TMOD1: variants seen among roughly 807,000 people sequenced by gnomAD.
TMOD1 encodes the protein tropomodulin-1.
A neutral mutation model predicts 40.6 loss-of-function variants in TMOD1; 17 were observed. That is an observed-to-expected ratio of 0.42 (90% CI 0.29 to 0.63). The LOEUF is 0.63. TMOD1 is among the 20% of genes least tolerant of loss of function. TMOD1 has a pLI of 0.22. For missense variants in TMOD1, 391 were observed against 447.6 expected (o/e 0.87, Z 1.14); for synonymous variants, 181 against 175.0 (o/e 1.03, Z -0.27).
intron 8 of TMOD1, among the ~76,000 whole-genome samples, chr9:97,588,286 C>T (rs951647109): frequency 6.6e-6 from 1 of 152,152 alleles, no homozygotes; most frequent in Non-Finnish European, 1.5e-5. Flanking sequence ...CTATTATAGT[C>T]ATCTTGGTAT....
chr9:97,574,562 G>A (rs542472273), intron 8 of TMOD1, among the ~76,000 whole-genome samples: 1 of 152,374 alleles, frequency 6.6e-6, no homozygotes, highest in East Asian at 1.9e-4. Context: ...GAGTGCGGGC[G>A]CAGGGCGCGG....
intron 2 of TMOD1, among the ~76,000 whole-genome samples, chr9:97,532,420 C>T (rs1028741464): frequency 6.6e-5 from 10 of 152,182 alleles, no homozygotes; most frequent in Non-Finnish European, 8.8e-5. Flanking sequence ...CTCGGGAAGC[C>T]TTTTAGACTC....
chr9:97,578,299 C>T (rs187618612), intron 8 of TMOD1, among the ~76,000 whole-genome samples: 141 of 152,266 alleles, frequency 9.3e-4, no homozygotes, highest in Middle Eastern at 3.4e-3. Context: ...GTGATCCGCC[C>T]GCCTCGGCCT....
intron 4 of TMOD1, among the ~76,000 whole-genome samples, chr9:97,554,745 G>A (rs1330126675): frequency 6.6e-6 from 1 of 152,088 alleles, no homozygotes; most frequent in Non-Finnish European, 1.5e-5. Context: ...GGAGGTGGGA[G>A]GGCACCAGCA....
chr9:97,584,441 T>C (rs1228870143), intron 8 of TMOD1, among the ~76,000 whole-genome samples: 4 of 151,342 alleles, frequency 2.6e-5, no homozygotes, highest in Admixed American at 2.0e-4. Flanking sequence ...AATTTTGGAA[T>C]AGGTGTGGTG....
rs1830688927 is a variant in TMOD1 at position 97,564,127 on chromosome 9, A to G, written c.577A>G (p.Asn193Asp). Residue 193 changes from asparagine to aspartate, a missense_variant, in exon 6 of 10, where the codon AAC (asparagine) becomes GAC (aspartate). By Grantham distance (23) the Asn-to-Asp change is conservative. Coordinates refer to ENST00000259365, the MANE Select transcript of TMOD1 (RefSeq NM_003275.4). ...VEETLERIKN[N>D]DPKLEEVNLN... Reference sequence around the variant, plus strand: ...GGAAACGCTGGAACGGATAAAGAACAACGACCCAAAACTTGAAGAAGTTAA... The same window carrying G: ...GGAAACGCTGGAACGGATAAAGAACGACGACCCAAAACTTGAAGAAGTTAA... The G allele has an allele frequency of 8.7e-6, 14 of 1,613,144 alleles. No individual in the cohort carries two copies. The highest frequency in any genetic ancestry group is 1.2e-5 in the Non-Finnish European group (14 of 1,179,486).
chr9:97,540,854 G>T (rs1265377573), intron 2 of TMOD1, among the ~76,000 whole-genome samples: 1 of 152,136 alleles, frequency 6.6e-6, no homozygotes, highest in Non-Finnish European at 1.5e-5. Context: ...AAGCATTTGG[G>T]TGGACATACA....
chr9:97,543,416 A>G (rs10817736), intron 2 of TMOD1, among the ~76,000 whole-genome samples: 30,741 of 152,262 alleles, frequency 0.2, 3,576 homozygotes, highest in Middle Eastern at 0.29. Context: ...TTATATAACA[A>G]TAGAAGGGAT....
Position 97,566,424 on chromosome 9 carries a change from AC to A in TMOD1, c.726+470del, listed in dbSNP as rs538386218. On this transcript the variant is annotated intron_variant, in intron 7 of 9. Transcript: ENST00000259365. Reference sequence around the variant, plus strand: ...AGTGGCTCACACCTGCAATTCCAGCACTTTGGGAGGTCAAGACGGGTGGATC... The same window carrying A: ...AGTGGCTCACACCTGCAATTCCAGCATTTGGGAGGTCAAGACGGGTGGATC... 2.0e-5 allele frequency among the ~76,000 whole-genome samples: 3 copies of A among 152,282 alleles called. No individual in the cohort carries two copies. The South Asian group carries it at 6.2e-4, about 32-fold the overall frequency.
chr9:97,566,473 C>T (rs556132313), intron 7 of TMOD1, among the ~76,000 whole-genome samples: 2 of 152,072 alleles, frequency 1.3e-5, no homozygotes, highest in African/African-American at 2.4e-5. Flanking sequence ...AAGTTCGAGA[C>T]CAGCCTGGCC....
Position 97,569,690 on chromosome 9 carries a change from G to A in TMOD1, c.870+653G>A, listed in dbSNP as rs151295316. ...GTGTTGAGAGTGTACTGTGGACCAG[G>A]CTCTGAGATACACATCTTACATCCA... On this transcript the variant is annotated intron_variant, in intron 8 of 9. Coordinates refer to ENST00000259365, the MANE Select transcript of TMOD1 (RefSeq NM_003275.4). Among the ~76,000 whole-genome samples, 5 of 152,154 alleles carry A rather than the reference G, an allele frequency of 3.3e-5. No individual in the cohort carries two copies. In the East Asian group the frequency reaches 9.6e-4, roughly 29 times the overall value.
chr9:97,519,317 T>C (rs1443091951), intron 1 of TMOD1, among the ~76,000 whole-genome samples: 1 of 152,238 alleles, frequency 6.6e-6, no homozygotes, highest in Admixed American at 6.5e-5. Context: ...GCTTGTAAAT[T>C]CTATTTTTTC....
At chr9:97,544,835 C>CT (rs2131245330) in intron 2 of TMOD1, among the ~76,000 whole-genome samples, 1 of 152,144 alleles carries the variant, frequency 6.6e-6, no homozygotes, top group East Asian at 1.9e-4. Context: ...TGGTGAAACA[C>CT]TGTCTCTATT....
intron 2 of TMOD1, among the ~76,000 whole-genome samples, chr9:97,544,111 C>A (rs1304164426): frequency 6.6e-6 from 1 of 152,222 alleles, no homozygotes; most frequent in African/African-American, 2.4e-5. Context: ...TGTCCGGGCT[C>A]TGTGCTGGGT....
intron 1 of TMOD1, among the ~76,000 whole-genome samples, chr9:97,514,729 C>T (rs1033559032): frequency 2.0e-5 from 3 of 152,222 alleles, no homozygotes; most frequent in Non-Finnish European, 2.9e-5. Flanking sequence ...GTTGTAATAC[C>T]GTTGGGAATT....
chr9:97,508,057 TCACACACACACACA>T lies in TMOD1; in HGVS notation c.-49+6289_-49+6302del, dbSNP rs56669574. On this transcript the variant is annotated intron_variant, in intron 1 of 9. Coordinates refer to ENST00000259365, the MANE Select transcript of TMOD1 (RefSeq NM_003275.4). ...ATGAAACACAATCTATCTTCCTGAT[TCACACACACACACA>T]CACACACACACACACACACACACAC... 1.0e-3 allele frequency among the ~76,000 whole-genome samples: 134 copies of T among 132,076 alleles called. 2 individuals are homozygous for T. Among genetic ancestry groups the T allele is most frequent in the East Asian group, 3.2e-3 (14 of 4,418 alleles). The allele number at this position is 132,076 out of a possible 152,430, so 86.6% of individuals were successfully genotyped here. A position where few individuals can be genotyped will look rare whatever the true frequency, so the allele number is the denominator to read the frequency against.
intron 1 of TMOD1, among the ~76,000 whole-genome samples, chr9:97,518,365 C>T (rs932875405): frequency 4.6e-5 from 7 of 152,254 alleles, no homozygotes; most frequent in African/African-American, 1.4e-4. Context: ...GTCCTCAGAG[C>T]GAGCCAGCCC....
Position 97,542,849 on chromosome 9 carries a change from C to CA in TMOD1, c.121-3318dup, listed in dbSNP as rs35096378. Reference sequence around the variant, plus strand: ...TGGGCAACAAAGTGAGACTCCATCTCAAAAAAAAAAAAAAAAAAGGAAGAA... The same window carrying CA: ...TGGGCAACAAAGTGAGACTCCATCTCAAAAAAAAAAAAAAAAAAAGGAAGAA... On this transcript the variant is annotated intron_variant, in intron 2 of 9. Transcript: ENST00000259365. Among the ~76,000 whole-genome samples, 422 of 99,820 alleles carry CA rather than the reference C, an allele frequency of 4.2e-3. 3 individuals are homozygous for CA. Among genetic ancestry groups the CA allele is most frequent in the African/African-American group, 0.011 (293 of 27,216 alleles). 65.5% of individuals were successfully genotyped at this position (99,820 alleles called of 152,430 possible). A position where few individuals can be genotyped will look rare whatever the true frequency, so the allele number is the denominator to read the frequency against.
At chr9:97,586,773 T>G (rs1393588194) in intron 8 of TMOD1, among the ~76,000 whole-genome samples, 2 of 151,714 alleles carry the variant, frequency 1.3e-5, no homozygotes, top group South Asian at 2.1e-4. Flanking sequence ...ATTTTCCAGG[T>G]GCCGTCCGTC....
Sources: gnomAD v4.1 joint callset for allele counts (sites outside exome capture counted in the v4.1 genomes callset) on GRCh38, gnomAD v4.1.1 for gene constraint, MANE v1.5 for transcripts, NCBI Gene and HGNC (gene_info 2026-07-23, HGNC 2026-07-21) for gene names.